The following DCLK1 variants were observed in gnomAD, a reference collection of about 807,000 sequenced individuals.
DCLK1 encodes doublecortin like kinase 1, also known as serine/threonine-protein kinase DCLK1.
Under a neutral mutation model 86.2 loss-of-function variants are expected in DCLK1, and 16 were observed. The observed-to-expected ratio is 0.19, with a 90% CI of 0.13 to 0.28. The LOEUF (loss-of-function observed/expected upper bound fraction) is 0.28. Among genes scored for constraint, DCLK1 ranks in the 10% least tolerant of loss-of-function variants. The pLI, the probability that DCLK1 is intolerant of heterozygous loss-of-function variation, is 1.00. For missense variants in DCLK1, 590 were observed against 940.2 expected, an observed-to-expected ratio of 0.63 and a Z score of 4.87; for synonymous variants, 369 against 370.5, an observed-to-expected ratio of 1.00 and a Z score of 0.05.
chr13:35,823,873 C>A (rs950219913), intron 10 of DCLK1, among the ~76,000 whole-genome samples: 14 of 152,336 alleles, frequency 9.2e-5, no homozygotes, highest in Admixed American at 7.8e-4. Flanking sequence ...GCCCTCTGTG[C>A]CCCTGTACAG....
chr13:35,838,385 A>T (rs1040519631), intron 7 of DCLK1, among the ~76,000 whole-genome samples: 1 of 152,204 alleles, frequency 6.6e-6, no homozygotes, highest in African/African-American at 2.4e-5. Flanking sequence ...TGATGGTATC[A>T]CTTTTATCTT....
chr13:36,092,650 C>A lies in DCLK1; in HGVS notation c.723+19219G>T, dbSNP rs1291966236. ...TACAGGCGCCCGCCACCACGCCCGG[C>A]TAATTTTTTGTATTTTTAGTAGAGA... On this transcript the variant is annotated intron_variant, in intron 3 of 16. Coordinates refer to ENST00000360631, the MANE Select transcript of DCLK1 (RefSeq NM_001330071.2). Among the ~76,000 whole-genome samples, 4 of 151,630 alleles carry A rather than the reference C, an allele frequency of 2.6e-5. No individual in the cohort carries two copies. The East Asian group carries it at 7.8e-4, about 30-fold the overall frequency.
intron 2 of DCLK1, among the ~76,000 whole-genome samples, chr13:36,113,571 G>C (rs1248611694): frequency 6.6e-6 from 1 of 152,118 alleles, no homozygotes; most frequent in Non-Finnish European, 1.5e-5. Context: ...AGTGTTTTGG[G>C]AGTTTTCATG....
rs758282389 is a variant in DCLK1 at position 36,045,358 on chromosome 13, A to ATC, written c.723+66510_723+66511insGA. On this transcript the variant is annotated intron_variant, in intron 3 of 16. Coordinates refer to ENST00000360631, the MANE Select transcript of DCLK1 (RefSeq NM_001330071.2). ...TATATATATATATATATATATATAT[A>ATC]TATATATATATATATATATTTCAAG... Among the ~76,000 whole-genome samples the ATC allele has an allele frequency of 2.8e-3, 358 of 127,056 alleles. 3 individuals are homozygous for ATC. Among genetic ancestry groups the ATC allele is most frequent in the Non-Finnish European group, 4.6e-3 (280 of 60,364 alleles). 83.4% of individuals were successfully genotyped at this position (127,056 alleles called of 152,430 possible). A position where few individuals can be genotyped will look rare whatever the true frequency, so the allele number is the denominator to read the frequency against.
chr13:35,995,589 A>G (rs1880433369), intron 3 of DCLK1, among the ~76,000 whole-genome samples: 2 of 152,342 alleles, frequency 1.3e-5, no homozygotes, highest in South Asian at 4.1e-4. Context: ...TTCAGTTTCA[A>G]TGATGATTAA....
intron 4 of DCLK1, among the ~76,000 whole-genome samples, chr13:35,912,346 C>A (rs1875089181): frequency 1.3e-5 from 2 of 152,172 alleles, no homozygotes. Flanking sequence ...CCAATTAGTT[C>A]TTTCTGAATA....
intron 1 of DCLK1, among the ~76,000 whole-genome samples, chr13:36,127,229 T>A (rs1886219548): frequency 6.6e-6 from 1 of 152,182 alleles, no homozygotes; most frequent in African/African-American, 2.4e-5. Context: ...TCAATATTTT[T>A]AAAAGCAAAT....
chr13:35,817,590 G>C (rs556513232), intron 11 of DCLK1, among the ~76,000 whole-genome samples: 1 of 151,932 alleles, frequency 6.6e-6, no homozygotes, highest in East Asian at 1.9e-4. Context: ...AAGTTATCCC[G>C]TCCTCCATGT....
At chr13:35,830,647 G>A (rs921668456) in intron 8 of DCLK1, among the ~76,000 whole-genome samples, 1 of 152,198 alleles carries the variant, frequency 6.6e-6, no homozygotes. Context: ...GAATACATGA[G>A]CAATTTCCTA....
At chr13:36,017,871 C>T (rs1881605081) in intron 3 of DCLK1, among the ~76,000 whole-genome samples, 1 of 152,178 alleles carries the variant, frequency 6.6e-6, no homozygotes, top group Non-Finnish European at 1.5e-5. Context: ...TAAGAAAGGA[C>T]TTCCAACACT....
At chr13:35,869,746 A>C (rs1872135144) in intron 5 of DCLK1, among the ~76,000 whole-genome samples, 1 of 152,126 alleles carries the variant, frequency 6.6e-6, no homozygotes, top group African/African-American at 2.4e-5. Flanking sequence ...GGTTCTGGAG[A>C]GGGAGCTCAG....
chr13:35,914,498 C>T (rs1875289721), intron 4 of DCLK1, among the ~76,000 whole-genome samples: 1 of 150,794 alleles, frequency 6.6e-6, no homozygotes, highest in Non-Finnish European at 1.5e-5. Context: ...GGGTAGATCA[C>T]TTGAGGCCAG....
chr13:35,981,350 G>A (rs1449567756), intron 3 of DCLK1, among the ~76,000 whole-genome samples: 2 of 151,712 alleles, frequency 1.3e-5, no homozygotes, highest in Non-Finnish European at 2.9e-5. Context: ...GGAAATTTTA[G>A]TATCATAGCA....
At chr13:35,864,848 T>C (rs4997646) in intron 5 of DCLK1, among the ~76,000 whole-genome samples, 65,377 of 151,628 alleles carry the variant, frequency 0.43, 14,475 homozygotes, top group African/African-American at 0.52. Flanking sequence ...ACACAGGTCT[T>C]GGTATGTTGC....
At chr13:35,856,060 C>G (rs1056356262) in intron 5 of DCLK1, among the ~76,000 whole-genome samples, 3 of 152,190 alleles carry the variant, frequency 2.0e-5, no homozygotes, top group African/African-American at 7.2e-5. Flanking sequence ...GTTTTGTCAT[C>G]TCCTCCAAAG....
At chr13:35,906,326 TTTA>T (rs1342297158) in intron 4 of DCLK1, among the ~76,000 whole-genome samples, 1 of 152,038 alleles carries the variant, frequency 6.6e-6, no homozygotes, top group East Asian at 1.9e-4. Flanking sequence ...TTTTTTTTTT[TTTA>T]AATAAAGGAA....
At position 36,125,953 on chromosome 13, in the gene DCLK1, T is replaced by C. The variant is rs1158168068; in HGVS notation, c.185A>G (p.Tyr62Cys). ...TTTGAAGTATCGATCTCCGTTTCGA[T>C]AGAAACGAACTTTCTTGGCCTTCTT... ...SEKKAKKVRF[Y>C]RNGDRYFKGI... is the part of the protein sequence containing the mutation. The change falls in exon 2 of 17, where the codon TAT (tyrosine) becomes TGT (cysteine). Residue 62 changes from tyrosine (Y) to cysteine (C), a missense_variant. By Grantham distance (194) the Tyr-to-Cys change is radical (BLOSUM62 -2). Transcript: ENST00000360631. The C allele has an allele frequency of 6.2e-7, 1 of 1,614,212 alleles. No homozygotes were observed. Among genetic ancestry groups the C allele is most frequent in the Non-Finnish European group, 8.5e-7 (1 of 1,180,028 alleles).
intron 4 of DCLK1, among the ~76,000 whole-genome samples, chr13:35,903,339 A>G (rs1874486644): frequency 6.6e-6 from 1 of 152,228 alleles, no homozygotes; most frequent in African/African-American, 2.4e-5. Context: ...CACTGCTTAC[A>G]GAAACCTTGC....
intron 3 of DCLK1, among the ~76,000 whole-genome samples, chr13:36,089,532 T>G (rs1884741064): frequency 6.6e-6 from 1 of 152,242 alleles, no homozygotes; most frequent in Admixed American, 6.5e-5. Context: ...AACTCCGGGT[T>G]GTCCATTGCA....
Sources: gnomAD v4.1 joint callset for allele counts (sites outside exome capture counted in the v4.1 genomes callset) on GRCh38, gnomAD v4.1.1 for gene constraint, MANE v1.5 for transcripts, NCBI Gene and HGNC (gene_info 2026-07-23, HGNC 2026-07-21) for gene names.